Variants in FOXP4 observed in about 807,000 individuals in gnomAD.
The protein encoded by FOXP4 is forkhead box protein P4.
Under a neutral mutation model 82.6 loss-of-function variants are expected in FOXP4, and 25 were observed. The observed-to-expected ratio is 0.30, with a 90% CI of 0.22 to 0.42. The LOEUF is 0.42. FOXP4 is among the 10% of genes least tolerant of loss of function. The pLI is 1.00. For synonymous variants in FOXP4, 415 were observed against 388.2 expected (o/e 1.07, Z -0.81); for missense variants, 785 against 900.9 (o/e 0.87, Z 1.65).
intron 3 of FOXP4, among the ~76,000 whole-genome samples, chr6:41,580,839 T>C (rs1765757751): frequency 6.6e-6 from 1 of 152,152 alleles, no homozygotes; most frequent in African/African-American, 2.4e-5. Flanking sequence ...AGAACGCTGC[T>C]CTGCTCCCCA....
At chr6:41,555,588 C>T (rs2127319555) in intron 1 of FOXP4, among the ~76,000 whole-genome samples, 1 of 152,366 alleles carries the variant, frequency 6.6e-6, no homozygotes, top group East Asian at 1.9e-4. Context: ...AACCAGGCTC[C>T]AGATGGCCAT....
chr6:41,566,244 A>T (rs547134605), intron 2 of FOXP4, among the ~76,000 whole-genome samples: 33 of 152,352 alleles, frequency 2.2e-4, no homozygotes, highest in Non-Finnish European at 3.8e-4. Flanking sequence ...GAAGAGACAG[A>T]CACACAACTG....
rs1766313620 is a variant in FOXP4, at chr6:41,588,694, G to A, written c.1028G>A (p.Arg343Gln). 2.5e-6 allele frequency: 4 copies of A among 1,613,836 alleles called. No individual in the cohort carries two copies. The highest frequency in any genetic ancestry group is 1.3e-5 in the African/African-American group (1 of 74,916). Residue 343 changes from arginine (R) to glutamine (Q), a missense_variant, in exon 9 of 17, where the codon CGG (arginine) becomes CAG (glutamine). Around this residue, in one of 3 missense-constraint regions of FOXP4, gnomAD observed 570 missense variants for 634.0 expected, o/e 0.90. Coordinates refer to ENST00000307972, the MANE Select transcript of FOXP4 (RefSeq NM_001012426.2). ...GATGACCGGAGTACAGCCCAGTGCC[G>A]GGTACAGATGCAGGTGGTGCAGCAG... is the stretch of plus-strand genomic sequence containing the variant. ...ALDDRSTAQC[R>Q]VQMQVVQQLE...
intron 14 of FOXP4, among the ~76,000 whole-genome samples, chr6:41,596,323 T>C (rs186692121): frequency 4.6e-5 from 7 of 152,220 alleles, no homozygotes; most frequent in Admixed American, 4.6e-4. Flanking sequence ...ACCTGCTTGC[T>C]GTGCCCCTTG....
intron 1 of FOXP4, among the ~76,000 whole-genome samples, chr6:41,555,224 G>C (rs1171734545): frequency 6.6e-6 from 1 of 152,000 alleles, no homozygotes; most frequent in Non-Finnish European, 1.5e-5. Flanking sequence ...ACTCCAGTCT[G>C]AGCGACACAG....
At chr6:41,562,195 G>A (rs952240143) in intron 1 of FOXP4, among the ~76,000 whole-genome samples, 2 of 152,192 alleles carry the variant, frequency 1.3e-5, no homozygotes, top group African/African-American at 2.4e-5. Context: ...AAAGCACTTC[G>A]GAGTGCCTGT....
chr6:41,599,535 T>C lies in FOXP4; in HGVS notation c.*599T>C, dbSNP rs936951274. On this transcript the variant is annotated 3_prime_UTR_variant, in exon 17 of 17. Transcript: ENST00000307972. ...GGGGTGGGACTGTCTGTGTGCCCTG[T>C]GGGGGTCCGTGTGAGCAGGCCCACC... 6.6e-6 allele frequency: 1 copy of C among 152,614 alleles called. No homozygotes were observed. Among genetic ancestry groups the C allele is most frequent in the Non-Finnish European group, 1.5e-5 (1 of 68,364 alleles). The allele number at this position is 152,614 out of a possible 1,614,324, so 9.5% of individuals were successfully genotyped here. A position where few individuals can be genotyped will look rare whatever the true frequency, so the allele number is the denominator to read the frequency against.
intron 9 of FOXP4, 152 bp downstream of exon 9, chr6:41,588,883 C>A: frequency 1.1e-6 from 1 of 870,070 alleles, no homozygotes; most frequent in South Asian, 1.6e-5. Context: ...GTCCTAATGA[C>A]CATGGTTGTG....
intron 3 of FOXP4, among the ~76,000 whole-genome samples, chr6:41,584,451 C>T (rs1282776313): frequency 3.3e-5 from 5 of 152,236 alleles, no homozygotes; most frequent in African/African-American, 1.2e-4. Context: ...CTAAGGACAG[C>T]CCGTCCTATG....
chr6:41,590,476 C>T (rs960239213), intron 12 of FOXP4, 129 bp downstream of exon 12: 45 of 957,572 alleles, frequency 4.7e-5, no homozygotes, highest in South Asian at 8.0e-5. Flanking sequence ...TCTCACGTGG[C>T]GGTCTTCCCT....
chr6:41,592,227 A>G (rs1430203901), intron 13 of FOXP4, among the ~76,000 whole-genome samples: 2 of 152,216 alleles, frequency 1.3e-5, no homozygotes, highest in African/African-American at 4.8e-5. Flanking sequence ...CTAGGTTTCA[A>G]CAAGTGTTAC....
intron 3 of FOXP4, 24 bp from the exon 4 acceptor site, chr6:41,584,745 G>C: frequency 6.4e-7 from 1 of 1,564,990 alleles, no homozygotes; most frequent in Non-Finnish European, 8.7e-7. Context: ...CCAGGGGACA[G>C]GGCTAACGGG....
chr6:41,565,013 T>C (rs1028973840), intron 1 of FOXP4, among the ~76,000 whole-genome samples: 3 of 152,064 alleles, frequency 2.0e-5, no homozygotes, highest in African/African-American at 7.2e-5. Context: ...ATATGATAGG[T>C]TCCTAGTGAA....
In FOXP4 at chr6:41,587,126, G is replaced by A. The variant is rs1280366680; in HGVS notation, c.628G>A (p.Ala210Thr). The stretch of plus-strand genomic sequence containing the variant: ...GCTGGTCAGCCTGCAGCCCAACCAA[G>A]CCTCGGGGCCCCTCCAGACCCTTCC... ...QGLVSLQPNQASGPLQTLPQA... is the reference protein window; with the variant it reads ...QGLVSLQPNQTSGPLQTLPQA... Residue 210 changes from alanine to threonine, a missense_variant, in exon 6 of 17, where the codon GCC becomes ACC. Ala to Thr is a moderately conservative substitution (Grantham distance 58). Coordinates refer to ENST00000307972, the MANE Select transcript of FOXP4 (RefSeq NM_001012426.2). 5.0e-6 allele frequency: 8 copies of A among 1,607,224 alleles called. No homozygotes were observed. Among genetic ancestry groups the A allele is most frequent in the South Asian group, 1.1e-5 (1 of 90,828 alleles).
rs920784395 is a variant in FOXP4, at chr6:41,599,667, C to G, written c.*731C>G. 5.3e-5 allele frequency: 8 copies of G among 152,376 alleles called. No homozygotes were observed. The highest frequency in any genetic ancestry group is 1.7e-4 in the African/African-American group (7 of 41,440). 9.4% of individuals were successfully genotyped at this position (152,376 alleles called of 1,614,324 possible). On this transcript the variant is annotated 3_prime_UTR_variant, in exon 17 of 17. Transcript: ENST00000307972. The stretch of plus-strand genomic sequence containing the variant: ...TCCAGCCGCCCCCATGGGAAGAGGC[C>G]TGGTACCGCCTCACCCACAGAGGTC...
At position 41,554,596 on chromosome 6, in the gene FOXP4, A is replaced by G. The variant is rs547323601; in HGVS notation, c.-17+7729A>G. ...AGGGTCTAGCCAGGCACAGTGGCTC[A>G]TGCCTGTAGTCCCAGCACTTTGGGA... On this transcript the variant is annotated intron_variant, in intron 1 of 16. Transcript: ENST00000307972. 4.0e-4 allele frequency among the ~76,000 whole-genome samples: 61 copies of G among 152,366 alleles called. 1 individual carries two copies. The highest frequency in any genetic ancestry group is 1.4e-3 in the African/African-American group (59 of 41,582).
chr6:41,584,566 T>TA (rs1336403774), intron 3 of FOXP4, among the ~76,000 whole-genome samples: 1 of 152,250 alleles, frequency 6.6e-6, no homozygotes, highest in African/African-American at 2.4e-5. Context: ...TATCACTGTT[T>TA]TCGTTTTAGA....
chr6:41,557,996 T>C (rs538607075), intron 1 of FOXP4, among the ~76,000 whole-genome samples: 1 of 152,250 alleles, frequency 6.6e-6, no homozygotes, highest in South Asian at 2.1e-4. Flanking sequence ...AGTGTTGTGC[T>C]AAGAAGCCTT....
At chr6:41,574,499 T>G (rs185885893) in intron 2 of FOXP4, among the ~76,000 whole-genome samples, 4 of 152,350 alleles carry the variant, frequency 2.6e-5, no homozygotes, top group African/African-American at 9.6e-5. Context: ...TGTGCCAGCC[T>G]CCCGTATTCA....
Sources: allele counts gnomAD v4.1 joint callset (sites outside exome capture counted in the v4.1 genomes callset), GRCh38; gene constraint gnomAD v4.1.1; regional missense constraint gnomAD v4.1.1; transcripts MANE v1.5; gene names NCBI Gene and HGNC (gene_info 2026-07-23, HGNC 2026-07-21).